SLC26A8: variants seen among roughly 807,000 people sequenced by gnomAD.
SLC26A8 encodes the protein testis anion transporter 1.
In SLC26A8, 70 loss-of-function variants were observed where a neutral mutation model predicts 105.0. The ratio of observed to expected loss-of-function variants is 0.67; its 90% CI spans 0.55 to 0.81. SLC26A8 has a LOEUF of 0.81. Among genes scored for constraint, SLC26A8 ranks in the 40% least tolerant of loss-of-function variants. SLC26A8 has a pLI of 0.00. For synonymous variants in SLC26A8, 415 were observed against 438.3 expected (o/e 0.95, Z 0.66); for missense variants, 998 against 1,181.8 (o/e 0.84, Z 2.28).
intron 7 of SLC26A8, among the ~76,000 whole-genome samples, chr6:35,984,523 C>T (rs1773414781): frequency 6.6e-6 from 1 of 151,932 alleles, no homozygotes; most frequent in South Asian, 2.1e-4. Flanking sequence ...GGGGTTTCAT[C>T]ATGTTGGCTA....
In SLC26A8 at chr6:35,951,459, A is replaced by G; in HGVS notation, c.2273T>C (p.Ile758Thr). 1 of 1,614,144 alleles carries G rather than the reference A, an allele frequency of 6.2e-7. No individual in the cohort carries two copies. The highest frequency in any genetic ancestry group is 8.5e-7 in the Non-Finnish European group (1 of 1,180,014). Reference sequence around the variant, plus strand: ...AGGATACTCACAGTGACACCCTGCAATGAGTATCAAAATGTTGGCGTTTTG... The same window carrying G: ...AGGATACTCACAGTGACACCCTGCAGTGAGTATCAAAATGTTGGCGTTTTG... ...AFQNANILIL[I>T]AGCHSSIVRA... is the part of the protein sequence containing the mutation. The change falls in exon 18 of 20, where the codon ATT becomes ACT. Residue 758 changes from isoleucine to threonine, a missense_variant. Physicochemically the swap from Ile to Thr is moderately conservative, Grantham distance 89 (BLOSUM62 -1). Transcript: ENST00000490799.
intron 7 of SLC26A8, among the ~76,000 whole-genome samples, chr6:35,991,339 G>C (rs921585898): frequency 1.3e-5 from 2 of 150,578 alleles, no homozygotes; most frequent in South Asian, 4.2e-4. Flanking sequence ...GGGAGGCAGA[G>C]GTTGCAGTGA....
At chr6:35,971,415 T>C (rs1427093348) in intron 10 of SLC26A8, among the ~76,000 whole-genome samples, 2 of 152,334 alleles carry the variant, frequency 1.3e-5, no homozygotes, top group South Asian at 2.1e-4. Flanking sequence ...TGAGTTTCCA[T>C]AGCCACAGCC....
chr6:35,984,568 C>T (rs1034861543), intron 7 of SLC26A8, among the ~76,000 whole-genome samples: 4 of 152,058 alleles, frequency 2.6e-5, no homozygotes, highest in Admixed American at 1.3e-4. Flanking sequence ...GAGCAATCCA[C>T]CTGCCTCTGC....
chr6:35,956,881 T>G (rs1345129282), intron 16 of SLC26A8, among the ~76,000 whole-genome samples: 1 of 147,622 alleles, frequency 6.8e-6, no homozygotes, highest in African/African-American at 2.5e-5. Context: ...ATTGTGCCAT[T>G]GCACTCCAGC....
At chr6:35,984,807 C>T (rs909299012) in intron 7 of SLC26A8, among the ~76,000 whole-genome samples, 28 of 152,206 alleles carry the variant, frequency 1.8e-4, no homozygotes, top group Non-Finnish European at 2.5e-4. Flanking sequence ...GATCCCATCT[C>T]TTGGCCAAGG....
chr6:35,950,351 G>A lies in SLC26A8; in HGVS notation c.2472+812C>T, dbSNP rs113249230. ...GTCGCCCAGGCTGGAGTGCAGTGGC[G>A]TGATCTCAGCTCACTGCAACCTCTG... On this transcript the variant is annotated intron_variant, in intron 19 of 19. Transcript: ENST00000490799. Among the ~76,000 whole-genome samples, 911 of 150,880 alleles carry A rather than the reference G, an allele frequency of 6.0e-3. 11 individuals carry two copies. Among genetic ancestry groups the A allele is most frequent in the African/African-American group, 0.021 (844 of 41,036 alleles).
chr6:35,957,362 G>A (rs1772115410), intron 16 of SLC26A8, among the ~76,000 whole-genome samples: 1 of 151,746 alleles, frequency 6.6e-6, no homozygotes, highest in South Asian at 2.1e-4. Flanking sequence ...TAACAATGTT[G>A]CTTGTGAAAT....
intron 3 of SLC26A8, among the ~76,000 whole-genome samples, chr6:36,002,320 A>G (rs1392698931): frequency 6.6e-6 from 1 of 152,176 alleles, no homozygotes; most frequent in Non-Finnish European, 1.5e-5. Context: ...GCTATTATGA[A>G]CAATATTGCT....
chr6:35,959,687 G>A, intron 15 of SLC26A8, 27 bp downstream of exon 15: 1 of 1,603,904 alleles, frequency 6.2e-7, no homozygotes, highest in Non-Finnish European at 8.5e-7. Flanking sequence ...TGGGCAGGTT[G>A]AGAAAGGCGG....
chr6:36,008,497 C>T (rs968839702), intron 3 of SLC26A8, among the ~76,000 whole-genome samples: 16 of 152,134 alleles, frequency 1.1e-4, no homozygotes, highest in African/African-American at 1.9e-4. Context: ...GATACCACTA[C>T]GTACTTCTTA....
At chr6:35,947,018 A>G (rs1771700155) in intron 19 of SLC26A8, among the ~76,000 whole-genome samples, 1 of 151,508 alleles carries the variant, frequency 6.6e-6, no homozygotes, top group Non-Finnish European at 1.5e-5. Context: ...CAGCATCACC[A>G]CTAGTCTTTT....
chr6:35,965,579 G>A (rs1041730978), intron 11 of SLC26A8, among the ~76,000 whole-genome samples: 1 of 152,032 alleles, frequency 6.6e-6, no homozygotes, highest in African/African-American at 2.4e-5. Context: ...CTACTTGGGA[G>A]GCTGAGGCAG....
intron 17 of SLC26A8, among the ~76,000 whole-genome samples, chr6:35,952,219 A>AC (rs1245490100): frequency 7.3e-5 from 11 of 151,574 alleles, no homozygotes; most frequent in Non-Finnish European, 1.2e-4. Flanking sequence ...TTTGCATGAG[A>AC]CCCCCACTTC....
At chr6:35,964,289 G>A (rs79325755) in intron 11 of SLC26A8, among the ~76,000 whole-genome samples, 6,164 of 152,250 alleles carry the variant, frequency 0.04, 147 homozygotes, top group Middle Eastern at 0.088. Context: ...AAAATCACTT[G>A]ACAGTATATC....
At chr6:35,973,503 C>T (rs1051254990) in intron 10 of SLC26A8, among the ~76,000 whole-genome samples, 2 of 152,058 alleles carry the variant, frequency 1.3e-5, no homozygotes, top group Admixed American at 1.3e-4. Flanking sequence ...GGATGCAGCC[C>T]AACAAAAATT....
rs140255059 is a variant in SLC26A8, at chr6:36,019,207, T to C, written c.188+313A>G. Among the ~76,000 whole-genome samples, 99 of 152,312 alleles carry C rather than the reference T, an allele frequency of 6.5e-4. 1 individual carries two copies. In the East Asian group the frequency reaches 0.016, roughly 24 times the overall value. On this transcript the variant is annotated intron_variant, in intron 2 of 19. Transcript: ENST00000490799. ...TCCTGAAGTGCTGGGATTACGGGCG[T>C]GAGCCATTGCGTCTTGCTGGCTATC...
chr6:35,961,331 A>G (rs1350305351), intron 12 of SLC26A8, among the ~76,000 whole-genome samples: 1 of 151,980 alleles, frequency 6.6e-6, no homozygotes, highest in Non-Finnish European at 1.5e-5. Flanking sequence ...CTCTCTCAAA[A>G]CTTCAATTTC....
intron 14 of SLC26A8, 125 bp from the exon 15 acceptor site, chr6:35,959,931 C>A: frequency 1.3e-6 from 1 of 770,852 alleles, no homozygotes; most frequent in Non-Finnish European, 2.0e-6. Flanking sequence ...TTTTTTGAGA[C>A]AGAGTCTCAC....
Sources: gnomAD v4.1 joint callset for allele counts (sites outside exome capture counted in the v4.1 genomes callset) on GRCh38, gnomAD v4.1.1 for gene constraint, MANE v1.5 for transcripts, NCBI Gene and HGNC (gene_info 2026-07-23, HGNC 2026-07-21) for gene names.